Variants in PLXNA2 observed in about 807,000 individuals in gnomAD.
PLXNA2 encodes plexin-A2.
Under a neutral mutation model 193.5 loss-of-function variants are expected in PLXNA2, and 91 were observed. The ratio of observed to expected loss-of-function variants is 0.47; its 90% CI spans 0.40 to 0.56. The LOEUF is 0.56. Among genes scored for constraint, PLXNA2 ranks in the 20% least tolerant of loss-of-function variants. The pLI is 0.00. For missense variants in PLXNA2, 1,995 were observed against 2,503.2 expected, an observed-to-expected ratio of 0.80 and a Z score of 4.33; for synonymous variants, 997 against 1,027.3, an observed-to-expected ratio of 0.97 and a Z score of 0.56.
At chr1:208,100,454 G>A (rs1330595240) in intron 5 of PLXNA2, among the ~76,000 whole-genome samples, 1 of 152,120 alleles carries the variant, frequency 6.6e-6, no homozygotes, top group Non-Finnish European at 1.5e-5. Context: ...CTGGCGCATA[G>A]TAGGTGCCAT....
chr1:208,036,582 G>C (rs142756542), intron 26 of PLXNA2, among the ~76,000 whole-genome samples: 3 of 152,340 alleles, frequency 2.0e-5, no homozygotes, highest in African/African-American at 7.2e-5. Flanking sequence ...CTGGGATCCA[G>C]TGAGCACGCA....
intron 1 of PLXNA2, among the ~76,000 whole-genome samples, chr1:208,223,725 T>G (rs887899003): frequency 2.8e-4 from 42 of 152,154 alleles, no homozygotes; most frequent in Non-Finnish European, 4.9e-4. Flanking sequence ...AGATTTAGTC[T>G]ATGCACAGAA....
intron 3 of PLXNA2, among the ~76,000 whole-genome samples, chr1:208,157,482 T>C (rs933836270): frequency 1.4e-4 from 22 of 152,246 alleles, no homozygotes; most frequent in African/African-American, 5.3e-4. Flanking sequence ...CTTTTTACTC[T>C]GTGCTTATAT....
Position 208,132,562 on chromosome 1 carries a change from C to T in PLXNA2, c.1506+9767G>A, listed in dbSNP as rs539521759. 2.0e-5 allele frequency among the ~76,000 whole-genome samples: 3 copies of T among 152,200 alleles called. No individual in the cohort carries two copies. The South Asian group carries it at 6.2e-4, about 32-fold the overall frequency. On this transcript the variant is annotated intron_variant, in intron 4 of 31. Coordinates refer to ENST00000367033, the MANE Select transcript of PLXNA2 (RefSeq NM_025179.4). ...ATAGGACTGGTGTATTAGCTGAGGC[C>T]ATGTTTGTAAACTAAAATAAGAAAA... is the stretch of plus-strand genomic sequence containing the variant.
intron 3 of PLXNA2, among the ~76,000 whole-genome samples, chr1:208,192,915 A>G (rs2102567688): frequency 6.6e-6 from 1 of 150,474 alleles, no homozygotes; most frequent in Middle Eastern, 3.4e-3. Context: ...AAAAAAAAAA[A>G]AACCATTAGA....
In PLXNA2 at chr1:208,052,548, T is replaced by A. The variant is rs1049356399; in HGVS notation, c.2857-85A>T. ...GGTTAGATCTAAGGATGGGAGAGAT[T>A]GTTTTCATTCTGGGCGTGGTGGTAC... On this transcript the variant is annotated intron_variant, in intron 14 of 31. Transcript: ENST00000367033. 17 of 1,394,976 alleles carry A rather than the reference T, an allele frequency of 1.2e-5. No individual in the cohort carries two copies. In the Admixed American group the frequency reaches 3.0e-4, roughly 25 times the overall value. The allele number at this position is 1,394,976 out of a possible 1,614,324, so 86.4% of individuals were successfully genotyped here.
chr1:208,112,482 C>A (rs900552770), intron 4 of PLXNA2, among the ~76,000 whole-genome samples: 1 of 152,188 alleles, frequency 6.6e-6, no homozygotes, highest in Non-Finnish European at 1.5e-5. Context: ...CTGAGGCTTA[C>A]GTGATGTCTG....
chr1:208,145,097 CA>C (rs1478054628), intron 3 of PLXNA2, among the ~76,000 whole-genome samples: 8 of 152,320 alleles, frequency 5.3e-5, no homozygotes, highest in African/African-American at 1.9e-4. Context: ...CTTTTAGTCA[CA>C]AAAGTTCTTG....
chr1:208,229,713 C>A (rs1372842797), intron 1 of PLXNA2, among the ~76,000 whole-genome samples: 1 of 152,208 alleles, frequency 6.6e-6, no homozygotes, highest in Non-Finnish European at 1.5e-5. Flanking sequence ...ATAATCTAGA[C>A]TTGTGCAGGA....
At chr1:208,030,336 C>T in intron 29 of PLXNA2, 1 of 985,594 alleles carries the variant, frequency 1.0e-6, no homozygotes, top group African/African-American at 1.7e-5. Context: ...ATCTGGCCAG[C>T]ACACAGAAGG....
Position 208,084,548 on chromosome 1 carries a change from G to T in PLXNA2, c.2130C>A (p.Ile710=), listed in dbSNP as rs1436204133. ...DCPQLVPTEE[I]LIPVGEVKPI... ...GCTTTACCTCCCCGACTGGAATCAA[G>T]ATCTCCTCTGTGGGCACCAGCTGGG... Residue 710 remains isoleucine, a synonymous_variant, in exon 10 of 32, where the codon ATC becomes ATA. Coordinates refer to ENST00000367033, the MANE Select transcript of PLXNA2 (RefSeq NM_025179.4). 6.2e-7 allele frequency: 1 copy of T among 1,614,240 alleles called. No homozygotes were observed. Among genetic ancestry groups the T allele is most frequent in the East Asian group, 2.2e-5 (1 of 44,888 alleles).
At position 208,243,149 on chromosome 1, in the gene PLXNA2, C is replaced by G. The variant is rs138713978; in HGVS notation, c.-81+494G>C. Among the ~76,000 whole-genome samples the G allele has an allele frequency of 4.7e-3, 712 of 152,264 alleles. 3 individuals are homozygous for G. The highest frequency in any genetic ancestry group is 7.0e-3 in the Non-Finnish European group (474 of 68,022). Reference sequence around the variant, plus strand: ...ATTCCCCTGATCTCCAGTCCCCGATCGGAAGGGAGAGCCGGCGGCCACCAG... The same window carrying G: ...ATTCCCCTGATCTCCAGTCCCCGATGGGAAGGGAGAGCCGGCGGCCACCAG... On this transcript the variant is annotated intron_variant, in intron 1 of 31. Transcript: ENST00000367033.
At chr1:208,198,758 G>T (rs1315879187) in intron 3 of PLXNA2, among the ~76,000 whole-genome samples, 1 of 152,168 alleles carries the variant, frequency 6.6e-6, no homozygotes, top group Non-Finnish European at 1.5e-5. Flanking sequence ...GTCTACACGT[G>T]GACATATGGA....
intron 4 of PLXNA2, among the ~76,000 whole-genome samples, chr1:208,105,850 C>T (rs377685405): frequency 6.6e-6 from 1 of 152,116 alleles, no homozygotes; most frequent in South Asian, 2.1e-4. Flanking sequence ...CTGCATCTGG[C>T]TGCAAATTAA....
At chr1:208,242,976 C>A (rs1672108355) in intron 1 of PLXNA2, among the ~76,000 whole-genome samples, 1 of 152,190 alleles carries the variant, frequency 6.6e-6, no homozygotes, top group African/African-American at 2.4e-5. Flanking sequence ...CAACCCCCAG[C>A]ACTCCTGTGG....
chr1:208,213,593 T>G (rs1671032465), intron 2 of PLXNA2, among the ~76,000 whole-genome samples: 1 of 152,236 alleles, frequency 6.6e-6, no homozygotes, highest in Non-Finnish European at 1.5e-5. Flanking sequence ...TCTTCCTCTC[T>G]TTTCTGGGAT....
At chr1:208,090,282 A>T (rs1003562636) in intron 9 of PLXNA2, among the ~76,000 whole-genome samples, 1 of 152,154 alleles carries the variant, frequency 6.6e-6, no homozygotes, top group Non-Finnish European at 1.5e-5. Context: ...ATGAAGGGAG[A>T]CAAAGGGGAC....
intron 17 of PLXNA2, among the ~76,000 whole-genome samples, chr1:208,050,540 A>C (rs2102333330): frequency 6.6e-6 from 1 of 152,338 alleles, no homozygotes; most frequent in East Asian, 1.9e-4. Flanking sequence ...ATAATATAAA[A>C]ATCATTGTAG....
At chr1:208,178,355 TC>T (rs775826415) in intron 3 of PLXNA2, among the ~76,000 whole-genome samples, 2 of 152,142 alleles carry the variant, frequency 1.3e-5, no homozygotes, top group Non-Finnish European at 2.9e-5. Flanking sequence ...AGCCTGAAGC[TC>T]AGCTAGAGGA....
Sources: gnomAD v4.1 joint callset for allele counts (sites outside exome capture counted in the v4.1 genomes callset) on GRCh38, gnomAD v4.1.1 for gene constraint, MANE v1.5 for transcripts, NCBI Gene and HGNC (gene_info 2026-07-23, HGNC 2026-07-21) for gene names.